The following GRIP1 variants were observed in gnomAD, a reference collection of about 807,000 sequenced individuals.
The protein encoded by GRIP1 is glutamate receptor-interacting protein 1.
In GRIP1, 45 loss-of-function variants were observed where a neutral mutation model predicts 129.9. The observed-to-expected ratio is 0.35, with a 90% CI of 0.27 to 0.44. The LOEUF is 0.44. Ranked by LOEUF, GRIP1 falls within the 20% of genes least tolerant of loss-of-function variation. The pLI, the probability that GRIP1 is intolerant of heterozygous loss-of-function variation, is 1.00. For missense variants in GRIP1, 1,196 were observed against 1,396.8 expected, an observed-to-expected ratio of 0.86 and a Z score of 2.29; for synonymous variants, 530 against 520.8, an observed-to-expected ratio of 1.02 and a Z score of -0.24.
intron 1 of GRIP1, among the ~76,000 whole-genome samples, chr12:66,846,268 A>G (rs1160457649): frequency 6.6e-6 from 1 of 152,184 alleles, no homozygotes; most frequent in Non-Finnish European, 1.5e-5. Flanking sequence ...TCCCTTGAAC[A>G]TCTCAAAGTC....
At chr12:66,578,758 C>T (rs938663018) in intron 2 of GRIP1, among the ~76,000 whole-genome samples, 11 of 152,240 alleles carry the variant, frequency 7.2e-5, no homozygotes, top group Admixed American at 6.5e-4. Flanking sequence ...AGCCGGGAAG[C>T]TCCAACGGGG....
chr12:66,525,539 T>G, intron 5 of GRIP1, among the ~76,000 whole-genome samples: 1 of 151,716 alleles, frequency 6.6e-6, no homozygotes, highest in Non-Finnish European at 1.5e-5. Context: ...CTCAAAATAA[T>G]AAGAGCTATC....
At chr12:67,014,059 C>A (rs2042748466) in intron 1 of GRIP1, among the ~76,000 whole-genome samples, 1 of 152,080 alleles carries the variant, frequency 6.6e-6, no homozygotes, top group African/African-American at 2.4e-5. Context: ...TGATGGAGAC[C>A]AGCCCAAAGA....
chr12:66,802,225 T>C (rs893740679), intron 1 of GRIP1, among the ~76,000 whole-genome samples: 2 of 152,148 alleles, frequency 1.3e-5, no homozygotes, highest in African/African-American at 4.8e-5. Flanking sequence ...GTTTATTATG[T>C]AGTAGTTTCA....
intron 15 of GRIP1, among the ~76,000 whole-genome samples, chr12:66,412,606 T>G (rs1464159610): frequency 6.6e-6 from 1 of 152,182 alleles, no homozygotes. Context: ...AGCATCATGA[T>G]GACATGATCA....
At chr12:66,836,555 A>G (rs186242915) in intron 1 of GRIP1, among the ~76,000 whole-genome samples, 7 of 150,190 alleles carry the variant, frequency 4.7e-5, no homozygotes, top group Admixed American at 4.7e-4. Context: ...TAGAGAGAAA[A>G]TACACAAGTG....
chr12:66,542,310 T>C (rs1034266095), intron 2 of GRIP1, among the ~76,000 whole-genome samples: 1 of 152,186 alleles, frequency 6.6e-6, no homozygotes, highest in Non-Finnish European at 1.5e-5. Flanking sequence ...AAGTACAGAA[T>C]TAGAACAGAA....
intron 1 of GRIP1, among the ~76,000 whole-genome samples, chr12:66,930,673 G>T (rs572268160): frequency 2.0e-5 from 3 of 152,114 alleles, no homozygotes; most frequent in Non-Finnish European, 4.4e-5. Context: ...GAATATGTAT[G>T]TTCAGAAGTA....
intron 23 of GRIP1, among the ~76,000 whole-genome samples, chr12:66,363,023 G>A (rs1217900603): frequency 6.6e-6 from 1 of 150,846 alleles, no homozygotes; most frequent in Non-Finnish European, 1.5e-5. Flanking sequence ...CAAGTTATTG[G>A]GCAGCTTTGA....
At chr12:66,953,281 T>C (rs1249776622) in intron 1 of GRIP1, among the ~76,000 whole-genome samples, 1 of 152,170 alleles carries the variant, frequency 6.6e-6, no homozygotes. Flanking sequence ...AGGAAAAGGA[T>C]AAGGCAGGCA....
At chr12:66,676,666 G>A (rs2034348720) in intron 1 of GRIP1, among the ~76,000 whole-genome samples, 1 of 152,184 alleles carries the variant, frequency 6.6e-6, no homozygotes, top group South Asian at 2.1e-4. Context: ...AAATATGTAT[G>A]TTTGGGAGTT....
At chr12:66,725,659 C>T (rs771777044) in intron 1 of GRIP1, among the ~76,000 whole-genome samples, 6 of 152,008 alleles carry the variant, frequency 3.9e-5, no homozygotes, top group South Asian at 2.1e-4. Context: ...TCTGTTCCAG[C>T]GTTTCTCAAA....
At chr12:66,727,274 C>T (rs2136477248) in intron 1 of GRIP1, among the ~76,000 whole-genome samples, 1 of 152,314 alleles carries the variant, frequency 6.6e-6, no homozygotes, top group Middle Eastern at 3.4e-3. Context: ...CTTCACAATG[C>T]CTCGCAGTGG....
At chr12:66,626,492 A>G (rs2030067756) in intron 1 of GRIP1, 1 of 152,234 alleles carries the variant, frequency 6.6e-6, no homozygotes, top group Non-Finnish European at 1.5e-5. Context: ...GTATTTCTCT[A>G]GAGAAAACTG....
chr12:66,624,496 T>C (rs940127576), intron 1 of GRIP1, among the ~76,000 whole-genome samples: 15 of 152,144 alleles, frequency 9.9e-5, no homozygotes, highest in African/African-American at 3.4e-4. Context: ...GTCTCTTGCC[T>C]CTGAATAATA....
chr12:66,458,673 C>T (rs1029385030), intron 9 of GRIP1, among the ~76,000 whole-genome samples: 3 of 152,256 alleles, frequency 2.0e-5, no homozygotes, highest in African/African-American at 7.2e-5. Flanking sequence ...GCATGAGCCA[C>T]TGCGCCGGGC....
chr12:66,562,135 G>A (rs535178463), intron 2 of GRIP1, among the ~76,000 whole-genome samples: 31 of 152,064 alleles, frequency 2.0e-4, no homozygotes, highest in South Asian at 8.3e-4. Context: ...AAAAGAATAC[G>A]CTGTCAATCA....
At chr12:66,463,258 T>C (rs1043715298) in intron 8 of GRIP1, among the ~76,000 whole-genome samples, 165 bp from the exon 9 acceptor site, 3 of 152,190 alleles carry the variant, frequency 2.0e-5, no homozygotes, top group Non-Finnish European at 2.9e-5. Context: ...TTTAAGTACC[T>C]TGAATATGAA....
At chr12:66,643,774 G>A (rs757050864) in intron 1 of GRIP1, among the ~76,000 whole-genome samples, 5 of 152,098 alleles carry the variant, frequency 3.3e-5, no homozygotes, top group Non-Finnish European at 7.4e-5. Context: ...ATGTTGCCCA[G>A]GCTGGTCTTG....
Sources: gnomAD v4.1 joint callset for allele counts (sites outside exome capture counted in the v4.1 genomes callset) on GRCh38, gnomAD v4.1.1 for gene constraint, MANE v1.5 for transcripts, NCBI Gene and HGNC (gene_info 2026-07-23, HGNC 2026-07-21) for gene names.